Variants in SLC8A3 observed in about 807,000 individuals in gnomAD.
The protein encoded by SLC8A3 is solute carrier family 8 member A3, also known as sodium/calcium exchanger 3.
Under a neutral mutation model 65.4 loss-of-function variants are expected in SLC8A3, and 37 were observed. That is an observed-to-expected ratio of 0.57 (90% CI 0.44 to 0.74). The LOEUF is 0.74. Among genes scored for constraint, SLC8A3 ranks in the 30% least tolerant of loss-of-function variants. The pLI, the probability that SLC8A3 is intolerant of heterozygous loss-of-function variation, is 0.00. For synonymous variants in SLC8A3, 461 were observed against 444.5 expected (o/e 1.04, Z -0.47); for missense variants, 1,112 against 1,172.1 (o/e 0.95, Z 0.75).
intron 2 of SLC8A3, among the ~76,000 whole-genome samples, chr14:70,137,637 G>A (rs1394288836): frequency 4.6e-5 from 7 of 152,136 alleles, no homozygotes; most frequent in East Asian, 1.9e-4. Context: ...AGAACACAAC[G>A]ATGCTTATTT....
At chr14:70,130,292 TG>T (rs1367568355) in intron 2 of SLC8A3, among the ~76,000 whole-genome samples, 2 of 152,242 alleles carry the variant, frequency 1.3e-5, no homozygotes, top group East Asian at 3.8e-4. Context: ...TCAACTCACC[TG>T]ACGTTCACCT....
At chr14:70,089,744 T>C (rs933219088) in intron 2 of SLC8A3, among the ~76,000 whole-genome samples, 2 of 152,196 alleles carry the variant, frequency 1.3e-5, no homozygotes, top group African/African-American at 2.4e-5. Flanking sequence ...GTGACTTCCG[T>C]TTGCTGTTTT....
intron 2 of SLC8A3, chr14:70,064,078 C>T: frequency 1.7e-6 from 1 of 586,968 alleles, no homozygotes; most frequent in Non-Finnish European, 3.0e-6. Context: ...AGGAGAGTGG[C>T]TGCCAGTGGA....
chr14:70,174,158 C>T lies in SLC8A3; in HGVS notation c.-62-5674G>A, dbSNP rs1897720118. Among the ~76,000 whole-genome samples the T allele has an allele frequency of 4.6e-5, 7 of 152,310 alleles. 1 individual carries two copies. In the South Asian group the frequency reaches 1.5e-3, roughly 32 times the overall value. On this transcript the variant is annotated intron_variant, in intron 1 of 6. Coordinates refer to ENST00000356921, the MANE Select transcript of SLC8A3 (RefSeq NM_182932.3). ...CTGTTACCACTGTGCTTGACACATA[C>T]CCTAGGTTTGAGCGCCCCTTCGAGC...
intron 2 of SLC8A3, among the ~76,000 whole-genome samples, chr14:70,099,799 A>C (rs1259365759): frequency 1.3e-5 from 2 of 152,204 alleles, no homozygotes; most frequent in African/African-American, 4.8e-5. Context: ...AATGCTTCCC[A>C]TGGGTGCAGG....
chr14:70,155,255 CCTGT>C (rs796764622), intron 2 of SLC8A3, among the ~76,000 whole-genome samples: 23 of 152,088 alleles, frequency 1.5e-4, no homozygotes, highest in African/African-American at 4.8e-4. Context: ...TATTCAGAAT[CCTGT>C]CTATTTTTTT....
chr14:70,067,456 C>A (rs181223628), intron 2 of SLC8A3, among the ~76,000 whole-genome samples: 107 of 152,292 alleles, frequency 7.0e-4, no homozygotes, highest in African/African-American at 2.4e-3. Context: ...CTGCTTACTT[C>A]CAAGATCAAG....
intron 3 of SLC8A3, 66 bp downstream of exon 3, chr14:70,060,770 G>T: frequency 1.1e-6 from 1 of 908,462 alleles, no homozygotes. Flanking sequence ...TTTTGTTGTT[G>T]TTTTTCAGTT....
chr14:70,086,293 C>T (rs893565502), intron 2 of SLC8A3, among the ~76,000 whole-genome samples: 13 of 152,134 alleles, frequency 8.5e-5, no homozygotes, highest in African/African-American at 1.4e-4. Flanking sequence ...GAGATGAAAC[C>T]GGGATTCCAG....
intron 2 of SLC8A3, among the ~76,000 whole-genome samples, chr14:70,143,267 G>A (rs1475953962): frequency 2.0e-5 from 3 of 152,188 alleles, no homozygotes; most frequent in African/African-American, 7.2e-5. Flanking sequence ...TGTAAACCTC[G>A]TAATAATCCT....
chr14:70,185,947 C>T (rs764127488), intron 1 of SLC8A3, among the ~76,000 whole-genome samples: 5 of 152,174 alleles, frequency 3.3e-5, no homozygotes, highest in East Asian at 1.9e-4. Flanking sequence ...AATGGCTAAC[C>T]GAATGAATAA....
chr14:70,097,063 C>G (rs575722464), intron 2 of SLC8A3, among the ~76,000 whole-genome samples: 1 of 152,146 alleles, frequency 6.6e-6, no homozygotes, highest in East Asian at 1.9e-4. Flanking sequence ...GTGGGCTGGC[C>G]GCTAGAGAGG....
At chr14:70,105,689 TA>T (rs928826764) in intron 2 of SLC8A3, among the ~76,000 whole-genome samples, 1 of 152,204 alleles carries the variant, frequency 6.6e-6, no homozygotes, top group Non-Finnish European at 1.5e-5. Flanking sequence ...CAACGTTGCA[TA>T]AATTCTTTCA....
intron 2 of SLC8A3, among the ~76,000 whole-genome samples, chr14:70,162,872 T>C (rs1331235678): frequency 6.6e-6 from 1 of 152,222 alleles, no homozygotes; most frequent in Non-Finnish European, 1.5e-5. Flanking sequence ...CCACTTCACC[T>C]CTGTCACTAC....
intron 2 of SLC8A3, among the ~76,000 whole-genome samples, chr14:70,067,777 C>G (rs1029088550): frequency 6.6e-6 from 1 of 152,218 alleles, no homozygotes; most frequent in African/African-American, 2.4e-5. Context: ...CAAGGAAGCT[C>G]TCTCCAACAG....
chr14:70,076,680 T>C (rs371842578), intron 2 of SLC8A3, among the ~76,000 whole-genome samples: 28 of 152,302 alleles, frequency 1.8e-4, no homozygotes, highest in African/African-American at 6.7e-4. Context: ...CTGTTTCCCT[T>C]CCCAAACAAG....
chr14:70,079,364 G>C (rs1448825703), intron 2 of SLC8A3, among the ~76,000 whole-genome samples: 1 of 150,082 alleles, frequency 6.7e-6, no homozygotes, highest in African/African-American at 2.5e-5. Context: ...TCAGCCAGGC[G>C]TGGTGGTGCA....
At chr14:70,048,033 A>T (rs1437989172) in intron 6 of SLC8A3, 8 of 152,650 alleles carry the variant, frequency 5.2e-5, no homozygotes, top group Non-Finnish European at 8.8e-5. Context: ...TATAGTCCCA[A>T]AAACTAGCAC....
intron 2 of SLC8A3, among the ~76,000 whole-genome samples, chr14:70,160,502 T>C (rs1447816423): frequency 6.6e-6 from 1 of 152,192 alleles, no homozygotes; most frequent in African/African-American, 2.4e-5. Flanking sequence ...TGCCATTTTA[T>C]ACCAGGTACT....
Sources: allele counts gnomAD v4.1 joint callset (sites outside exome capture counted in the v4.1 genomes callset), GRCh38; gene constraint gnomAD v4.1.1; transcripts MANE v1.5; gene names NCBI Gene and HGNC (gene_info 2026-07-23, HGNC 2026-07-21).